The following PCDHA12 variants were observed in gnomAD, a reference collection of about 807,000 sequenced individuals.
The protein encoded by PCDHA12 is protocadherin alpha 12, also known as protocadherin alpha-12.
In PCDHA12, 44 loss-of-function variants were observed where a neutral mutation model predicts 60.0. That is an observed-to-expected ratio of 0.73 (90% CI 0.58 to 0.94). The LOEUF is 0.94. PCDHA12 is among the 40% of genes least tolerant of loss of function. The pLI is 0.00. For synonymous variants in PCDHA12, 569 were observed against 553.0 expected, an observed-to-expected ratio of 1.03 and a Z score of -0.40; for missense variants, 1,276 against 1,239.7, an observed-to-expected ratio of 1.03 and a Z score of -0.44.
intron 1 of PCDHA12, among the ~76,000 whole-genome samples, chr5:140,970,213 A>AAAT (rs1198069658): frequency 6.6e-5 from 10 of 152,242 alleles, no homozygotes; most frequent in Admixed American, 2.0e-4. Context: ...AATTTAGCTT[A>AAAT]AATGCAGCCT....
intron 1 of PCDHA12, among the ~76,000 whole-genome samples, chr5:140,918,366 T>G (rs1203283831): frequency 2.0e-5 from 3 of 152,180 alleles, no homozygotes; most frequent in African/African-American, 7.2e-5. Flanking sequence ...CTCTGCCTAT[T>G]TGGATGCCTT....
chr5:140,970,018 C>G (rs1383957568), intron 1 of PCDHA12, among the ~76,000 whole-genome samples: 9 of 151,942 alleles, frequency 5.9e-5, no homozygotes, highest in African/African-American at 2.2e-4. Context: ...GATGGTGAGG[C>G]AGAGAGATTA....
intron 1 of PCDHA12, chr5:140,929,034 C>T (rs561529051): frequency 2.5e-6 from 4 of 1,614,158 alleles, no homozygotes; most frequent in East Asian, 4.5e-5. Flanking sequence ...CAGGCTGTTG[C>T]GCTCAGAGCT....
At chr5:140,928,986 C>G (rs2085702741) in intron 1 of PCDHA12, 1 of 1,613,874 alleles carries the variant, frequency 6.2e-7, no homozygotes, top group East Asian at 2.2e-5. Flanking sequence ...TTCTGGGGTG[C>G]TTACTTTTCT....
At chr5:140,950,997 A>G (rs782438146) in intron 1 of PCDHA12, among the ~76,000 whole-genome samples, 6 of 151,460 alleles carry the variant, frequency 4.0e-5, no homozygotes, top group Non-Finnish European at 7.4e-5. Flanking sequence ...TTTTAGCTCC[A>G]TTTTTCCCAA....
At chr5:140,982,434 T>A in intron 2 of PCDHA12, 41 bp from the exon 3 acceptor site, 1 of 1,613,270 alleles carries the variant, frequency 6.2e-7, no homozygotes, top group Non-Finnish European at 8.5e-7. Flanking sequence ...TGGGAAAGAA[T>A]TTATGATCTA....
chr5:140,884,273 C>T (rs1554181411), intron 1 of PCDHA12: 2 of 1,613,468 alleles, frequency 1.2e-6, no homozygotes, highest in Admixed American at 3.3e-5. Context: ...GCTGTTGTCG[C>T]TGGTGGAGAG....
intron 3 of PCDHA12, among the ~76,000 whole-genome samples, chr5:140,982,864 T>G (rs1294289316): frequency 1.3e-5 from 2 of 152,114 alleles, no homozygotes; most frequent in Non-Finnish European, 2.9e-5. Flanking sequence ...TTCAAATGCT[T>G]AGGTCATCCA....
At chr5:140,966,740 C>G in intron 1 of PCDHA12, 1 of 1,422,696 alleles carries the variant, frequency 7.0e-7, no homozygotes, top group Non-Finnish European at 9.1e-7. Flanking sequence ...CGGCCCTGCC[C>G]GGCTGCCTCC....
chr5:140,891,885 C>T (rs546305739), intron 1 of PCDHA12, among the ~76,000 whole-genome samples: 22 of 152,288 alleles, frequency 1.4e-4, no homozygotes, highest in African/African-American at 2.2e-4. Context: ...TGTCATGTGA[C>T]GATGCAGCAA....
At chr5:140,883,130 G>C in intron 1 of PCDHA12, 1 of 1,614,062 alleles carries the variant, frequency 6.2e-7, no homozygotes, top group Non-Finnish European at 8.5e-7. Flanking sequence ...TGTATGGCCT[G>C]CAGTGGTATA....
intron 1 of PCDHA12, chr5:140,882,580 C>T (rs371338305): frequency 1.2e-6 from 2 of 1,614,126 alleles, no homozygotes; most frequent in African/African-American, 2.7e-5. Context: ...AGTGCAGCAT[C>T]CACCTGGAGG....
chr5:140,966,426 C>T, intron 1 of PCDHA12: 1 of 421,820 alleles, frequency 2.4e-6, no homozygotes. Flanking sequence ...ACTTGCTGAG[C>T]CCTCCTACCG....
At chr5:140,997,668 T>TTGTGTGTGTGTGTGTGTG (rs35184029) in intron 3 of PCDHA12, among the ~76,000 whole-genome samples, 77 of 148,344 alleles carry the variant, frequency 5.2e-4, no homozygotes, top group African/African-American at 1.8e-3. Context: ...ATTATACAGC[T>TTGTGTGTGTGTGTGTGTG]TGTGTGTGTG....
intron 1 of PCDHA12, among the ~76,000 whole-genome samples, chr5:140,956,583 C>T (rs155799): frequency 0.28 from 42,736 of 152,052 alleles, 6,865 homozygotes; most frequent in East Asian, 0.53. Context: ...TGCATTGATG[C>T]TTATCAGGGA....
At chr5:140,994,065 T>A (rs1563596985) in intron 3 of PCDHA12, among the ~76,000 whole-genome samples, 1 of 152,092 alleles carries the variant, frequency 6.6e-6, no homozygotes, top group Non-Finnish European at 1.5e-5. Context: ...ATAAATCTAA[T>A]GGTGAAGGGA....
intron 3 of PCDHA12, among the ~76,000 whole-genome samples, chr5:141,006,466 G>T (rs2153987717): frequency 6.6e-6 from 1 of 152,178 alleles, no homozygotes; most frequent in South Asian, 2.1e-4. Context: ...GCCTGTCTCG[G>T]CCTCCCAAAG....
chr5:140,995,800 A>G (rs180764210), intron 3 of PCDHA12, among the ~76,000 whole-genome samples: 3 of 152,282 alleles, frequency 2.0e-5, no homozygotes, highest in Non-Finnish European at 2.9e-5. Context: ...GTCTCATGTT[A>G]GTTTCTGAAG....
Position 140,876,055 on chromosome 5 carries a change from G to A in PCDHA12, c.583G>A (p.Val195Ile), listed in dbSNP as rs782670279. The stretch of plus-strand genomic sequence containing the variant: ...AGATAAAAGTATATTGCCTGAATTA[G>A]TTCTTCGGAAGTTATTGGACAGAGA... ...KKDKSILPEL[V>I]LRKLLDREQT... The change falls in exon 1 of 4, where the codon GTT becomes ATT. Residue 195 changes from valine to isoleucine, a missense_variant. Val to Ile is a conservative substitution (Grantham distance 29, BLOSUM62 3). Transcript: ENST00000398631. 1.2e-6 allele frequency: 2 copies of A among 1,613,934 alleles called. No individual in the cohort carries two copies. Among genetic ancestry groups the A allele is most frequent in the Non-Finnish European group, 1.7e-6 (2 of 1,179,896 alleles).
Sources: allele counts gnomAD v4.1 joint callset (sites outside exome capture counted in the v4.1 genomes callset), GRCh38; gene constraint gnomAD v4.1.1; transcripts MANE v1.5; gene names NCBI Gene and HGNC (gene_info 2026-07-23, HGNC 2026-07-21).